NR3C1: variants seen among roughly 807,000 people sequenced by gnomAD.
NR3C1 encodes the protein nuclear receptor subfamily 3 group C member 1.
Under a neutral mutation model 74.0 loss-of-function variants are expected in NR3C1, and 14 were observed. That is an observed-to-expected ratio of 0.19 (90% CI 0.12 to 0.30). The LOEUF is 0.30. NR3C1 is among the 10% of genes least tolerant of loss of function. NR3C1 has a pLI of 1.00. For synonymous variants in NR3C1, 308 were observed against 332.5 expected (o/e 0.93, Z 0.80); for missense variants, 695 against 909.8 (o/e 0.76, Z 3.04).
intron 7 of NR3C1, among the ~76,000 whole-genome samples, chr5:143,288,076 C>T (rs72542751): frequency 1.1e-4 from 16 of 151,804 alleles, no homozygotes; most frequent in Non-Finnish European, 1.3e-4. Flanking sequence ...GGTCTCCCCA[C>T]TCCTCCAAAG....
At chr5:143,329,113 G>A (rs1041012391) in intron 2 of NR3C1, among the ~76,000 whole-genome samples, 1 of 152,138 alleles carries the variant, frequency 6.6e-6, no homozygotes, top group South Asian at 2.1e-4. Flanking sequence ...TATAAGGGAG[G>A]TTTAATTTAC....
At chr5:143,294,305 T>C in intron 7 of NR3C1, 14 of 946,738 alleles carry the variant, frequency 1.5e-5, no homozygotes, top group Non-Finnish European at 1.8e-5. Context: ...AAAGAGGTAT[T>C]CAGCTATTAA....
intron 2 of NR3C1, among the ~76,000 whole-genome samples, chr5:143,365,874 G>A (rs1325727553): frequency 2.6e-5 from 4 of 152,136 alleles, no homozygotes; most frequent in African/African-American, 9.7e-5. Context: ...ACAGGTATGT[G>A]GAAATCAACA....
At chr5:143,429,917 T>C (rs1340640249) in intron 1 of NR3C1, among the ~76,000 whole-genome samples, 1 of 151,784 alleles carries the variant, frequency 6.6e-6, no homozygotes, top group Non-Finnish European at 1.5e-5. Context: ...CCATCTCTAC[T>C]AAAAATACAA....
At chr5:143,285,236 C>G (rs1814130106) in intron 7 of NR3C1, among the ~76,000 whole-genome samples, 1 of 152,078 alleles carries the variant, frequency 6.6e-6, no homozygotes, top group African/African-American at 2.4e-5. Flanking sequence ...ATATGCCGGG[C>G]ATTCAGTAGA....
chr5:143,323,781 G>T (rs937513764), intron 2 of NR3C1, among the ~76,000 whole-genome samples: 1 of 152,108 alleles, frequency 6.6e-6, no homozygotes, highest in Non-Finnish European at 1.5e-5. Context: ...CGGAGGGATG[G>T]GGGGCAGGGG....
chr5:143,375,391 A>C (rs1835007241), intron 2 of NR3C1, among the ~76,000 whole-genome samples: 1 of 152,202 alleles, frequency 6.6e-6, no homozygotes, highest in African/African-American at 2.4e-5. Context: ...TACACACTGC[A>C]ACACTATAGT....
At chr5:143,347,925 T>C (rs1829588807) in intron 2 of NR3C1, among the ~76,000 whole-genome samples, 1 of 152,206 alleles carries the variant, frequency 6.6e-6, no homozygotes, top group Non-Finnish European at 1.5e-5. Context: ...TTTTTTTAAG[T>C]ACACATTCCA....
At chr5:143,284,445 A>AT in intron 7 of NR3C1, among the ~76,000 whole-genome samples, 2 of 138,946 alleles carry the variant, frequency 1.4e-5, no homozygotes, top group Middle Eastern at 7.9e-3. Flanking sequence ...ACGGCATTCT[A>AT]TATTAACAAT....
At chr5:143,432,657 C>T (rs1451142469) in intron 1 of NR3C1, among the ~76,000 whole-genome samples, 2 of 152,144 alleles carry the variant, frequency 1.3e-5, no homozygotes, top group Non-Finnish European at 2.9e-5. Context: ...TTAAAGCGTA[C>T]GGTTCCCCAT....
intron 2 of NR3C1, among the ~76,000 whole-genome samples, chr5:143,315,365 C>T (rs1041419510): frequency 3.9e-5 from 6 of 152,064 alleles, no homozygotes; most frequent in Non-Finnish European, 8.8e-5. Context: ...AGAGACTGCC[C>T]ATTCCATTTT....
At chr5:143,373,470 G>A (rs1329745127) in intron 2 of NR3C1, among the ~76,000 whole-genome samples, 2 of 151,240 alleles carry the variant, frequency 1.3e-5, no homozygotes, top group Non-Finnish European at 2.9e-5. Flanking sequence ...CGGGGGGTGG[G>A]GGGCTAGGGG....
intron 2 of NR3C1, among the ~76,000 whole-genome samples, chr5:143,337,198 C>T (rs1259867067): frequency 6.6e-6 from 1 of 151,520 alleles, no homozygotes; most frequent in East Asian, 1.9e-4. Context: ...GAAAAATGGA[C>T]AAAAAAACTT....
chr5:143,378,831 G>A (rs1451288618), intron 2 of NR3C1, among the ~76,000 whole-genome samples: 12 of 152,028 alleles, frequency 7.9e-5, no homozygotes, highest in South Asian at 2.1e-4. Context: ...TGTTAATGTG[G>A]AATGATACTG....
intron 2 of NR3C1, among the ~76,000 whole-genome samples, chr5:143,371,360 CTACA>C (rs1313484577): frequency 1.3e-5 from 2 of 152,208 alleles, no homozygotes; most frequent in African/African-American, 4.8e-5. Context: ...CAGATTTTTA[CTACA>C]TAGTCTAGCA....
chr5:143,402,955 G>A, intron 1 of NR3C1: 2 of 740,736 alleles, frequency 2.7e-6, no homozygotes, highest in Non-Finnish European at 3.3e-6. Flanking sequence ...ACAGGGCTCC[G>A]CTCGCCGTCC....
chr5:143,398,784 A>G (rs993385998), intron 2 of NR3C1, among the ~76,000 whole-genome samples: 5 of 152,198 alleles, frequency 3.3e-5, no homozygotes, highest in Admixed American at 2.6e-4. Context: ...ATCTACATTT[A>G]GAACTTTTTT....
chr5:143,388,032 A>G (rs1455990842), intron 2 of NR3C1, among the ~76,000 whole-genome samples: 1 of 152,134 alleles, frequency 6.6e-6, no homozygotes, highest in Non-Finnish European at 1.5e-5. Context: ...TCCTATATTG[A>G]CAATTTACTA....
chr5:143,382,467 G>A (rs1311469802), intron 2 of NR3C1, among the ~76,000 whole-genome samples: 3 of 152,218 alleles, frequency 2.0e-5, no homozygotes, highest in African/African-American at 7.2e-5. Flanking sequence ...TGGCATTAAG[G>A]AGTTGTCTAA....
Sources: gnomAD v4.1 joint callset for allele counts (sites outside exome capture counted in the v4.1 genomes callset) on GRCh38, gnomAD v4.1.1 for gene constraint, MANE v1.5 for transcripts, NCBI Gene and HGNC (gene_info 2026-07-23, HGNC 2026-07-21) for gene names.